The following LINGO2 variants were observed in gnomAD, a reference collection of about 807,000 sequenced individuals.
LINGO2 encodes the protein leucine rich repeat and Ig domain containing 2, also known as leucine-rich repeat and immunoglobulin-like domain-containing nogo receptor-interacting protein 2.
A neutral mutation model predicts 30.6 loss-of-function variants in LINGO2; 14 were observed. That is an observed-to-expected ratio of 0.46 (90% CI 0.30 to 0.72). The LOEUF (loss-of-function observed/expected upper bound fraction) is 0.72. LINGO2 is among the 30% of genes least tolerant of loss of function. The pLI is 0.07. For missense variants in LINGO2, 729 were observed against 751.7 expected (o/e 0.97, Z 0.35); for synonymous variants, 317 against 288.5 (o/e 1.10, Z -1.00).
chr9:28,221,290 A>AC, intron 4 of LINGO2, among the ~76,000 whole-genome samples: 1 of 113,440 alleles, frequency 8.8e-6, no homozygotes, highest in East Asian at 2.7e-4. Flanking sequence ...ACAGAGCCAG[A>AC]CCCCGTCTAA....
At chr9:28,406,939 A>T (rs2134781026) in intron 2 of LINGO2, among the ~76,000 whole-genome samples, 1 of 152,272 alleles carries the variant, frequency 6.6e-6, no homozygotes, top group African/African-American at 2.4e-5. Flanking sequence ...ACTCAAGATA[A>T]CCACCAGCAA....
chr9:29,196,102 G>C, the LINGO2 span, among the ~76,000 whole-genome samples: 1 of 152,158 alleles, frequency 6.6e-6, no homozygotes, highest in South Asian at 2.1e-4. Context: ...TTCTTTTCTT[G>C]TTAATCGTCC....
intron 1 of LINGO2, among the ~76,000 whole-genome samples, chr9:28,613,554 T>C (rs1368734641): frequency 3.3e-5 from 5 of 152,024 alleles, no homozygotes; most frequent in Non-Finnish European, 7.4e-5. Flanking sequence ...TGTCAGGAGA[T>C]TGTATTTTAA....
intron 1 of LINGO2, among the ~76,000 whole-genome samples, chr9:28,528,452 T>C (rs1164800644): frequency 2.6e-5 from 4 of 152,196 alleles, no homozygotes; most frequent in Non-Finnish European, 5.9e-5. Flanking sequence ...GTTTAGTTAT[T>C]ACACAGGCCA....
At chr9:28,332,174 A>G (rs779317838) in intron 3 of LINGO2, among the ~76,000 whole-genome samples, 2 of 152,204 alleles carry the variant, frequency 1.3e-5, no homozygotes, top group Non-Finnish European at 2.9e-5. Flanking sequence ...GGCACCTTTC[A>G]ATCTCTTTTT....
At chr9:28,314,803 T>C (rs1824774128) in intron 3 of LINGO2, among the ~76,000 whole-genome samples, 1 of 151,906 alleles carries the variant, frequency 6.6e-6, no homozygotes, top group South Asian at 2.1e-4. Flanking sequence ...GCTAACACGA[T>C]GAAACCCCGT....
the LINGO2 span, among the ~76,000 whole-genome samples, chr9:28,923,379 G>GAAAAAA: frequency 6.6e-6 from 1 of 152,108 alleles, no homozygotes; most frequent in Non-Finnish European, 1.5e-5. Context: ...TTTGTTTTTG[G>GAAAAAA]AGCAGTATTT....
chr9:28,862,468 T>A, the LINGO2 span, among the ~76,000 whole-genome samples: 1 of 152,094 alleles, frequency 6.6e-6, no homozygotes, highest in Non-Finnish European at 1.5e-5. Flanking sequence ...TGTTGAAAAA[T>A]AATATACTGA....
At chr9:28,226,280 C>G (rs1436144156) in intron 4 of LINGO2, among the ~76,000 whole-genome samples, 1 of 152,078 alleles carries the variant, frequency 6.6e-6, no homozygotes, top group Non-Finnish European at 1.5e-5. Flanking sequence ...CATCTCTAGC[C>G]TATCTGAAGT....
chr9:28,664,142 A>C (rs1444468509), intron 1 of LINGO2, among the ~76,000 whole-genome samples: 1 of 152,152 alleles, frequency 6.6e-6, no homozygotes, highest in Non-Finnish European at 1.5e-5. Context: ...GAATAAAAAT[A>C]TGTGAGGAAA....
chr9:29,123,057 C>G, the LINGO2 span, among the ~76,000 whole-genome samples: 1 of 152,024 alleles, frequency 6.6e-6, no homozygotes, highest in Admixed American at 6.6e-5. Context: ...TCTCCATAAG[C>G]CACACTTTAA....
the LINGO2 span, among the ~76,000 whole-genome samples, chr9:29,019,064 G>A: frequency 1.3e-5 from 2 of 152,046 alleles, no homozygotes; most frequent in African/African-American, 2.4e-5. Flanking sequence ...AAATATATAT[G>A]TGTATTGTGC....
At chr9:28,475,428 A>T (rs1212556687) in intron 2 of LINGO2, among the ~76,000 whole-genome samples, 1 of 152,184 alleles carries the variant, frequency 6.6e-6, no homozygotes. Context: ...AAGTCACATC[A>T]TCTGTTAATA....
In LINGO2 at chr9:28,147,976, C is replaced by G. The variant is rs932638142; in HGVS notation, c.-86-135571G>C. Among the ~76,000 whole-genome samples, 7 of 152,208 alleles carry G rather than the reference C, an allele frequency of 4.6e-5. No individual in the cohort carries two copies. The highest frequency in any genetic ancestry group is 8.8e-5 in the Non-Finnish European group (6 of 68,042). On this transcript the variant is annotated intron_variant, in intron 4 of 5. Transcript: ENST00000379992. This position sits in a 1 kb window ranked among gnomAD's most constrained non-coding sequence, Gnocchi z 4.7. ...GACCCTTGGTTTCGTCTGTGCACAA[C>G]TCACTCAAAATGGGCAACTCATTAA...
chr9:28,624,967 C>T (rs569063852), intron 1 of LINGO2, among the ~76,000 whole-genome samples: 2 of 151,792 alleles, frequency 1.3e-5, no homozygotes, highest in Non-Finnish European at 2.9e-5. Flanking sequence ...ACAAGCACTC[C>T]TTTATCCACC....
intron 2 of LINGO2, among the ~76,000 whole-genome samples, chr9:28,451,406 T>C (rs1293666465): frequency 6.6e-6 from 1 of 151,858 alleles, no homozygotes; most frequent in Admixed American, 6.6e-5. Flanking sequence ...TGAATGTGTA[T>C]GCAAACAGGT....
chr9:28,995,536 C>T, the LINGO2 span, among the ~76,000 whole-genome samples: 5 of 152,102 alleles, frequency 3.3e-5, no homozygotes, highest in African/African-American at 1.2e-4. Context: ...ACCCAAAGGA[C>T]TATAAATCAT....
At chr9:28,636,045 C>G (rs823767) in intron 1 of LINGO2, among the ~76,000 whole-genome samples, 1 of 151,996 alleles carries the variant, frequency 6.6e-6, no homozygotes, top group Non-Finnish European at 1.5e-5. Flanking sequence ...TCATTGTTCA[C>G]TTCCCACCTA....
chr9:28,218,802 A>G (rs1820858868), intron 4 of LINGO2, among the ~76,000 whole-genome samples: 2 of 152,074 alleles, frequency 1.3e-5, no homozygotes, highest in Admixed American at 6.6e-5. Context: ...AGACCCTGAT[A>G]TGCTAATGTT....
Sources: allele counts gnomAD v4.1 joint callset (sites outside exome capture counted in the v4.1 genomes callset), GRCh38; gene constraint gnomAD v4.1.1; non-coding constraint Gnocchi (gnomAD v3.1); transcripts MANE v1.5; gene names NCBI Gene and HGNC (gene_info 2026-07-23, HGNC 2026-07-21).